The following SMIM17 variants were observed in gnomAD, a reference collection of about 807,000 sequenced individuals.
SMIM17 encodes the protein small integral membrane protein 17.
In SMIM17, 10 loss-of-function variants were observed where a neutral mutation model predicts 12.2. The ratio of observed to expected loss-of-function variants is 0.82; its 90% CI spans 0.50 to 1.39. The LOEUF (loss-of-function observed/expected upper bound fraction) is 1.39. Among genes scored for constraint, SMIM17 ranks in the 40% most tolerant of loss-of-function variants. SMIM17 has a pLI of 0.00. For synonymous variants in SMIM17, 50 were observed against 44.1 expected (o/e 1.13, Z -0.53); for missense variants, 136 against 118.2 (o/e 1.15, Z -0.70).
intron 1 of SMIM17, among the ~76,000 whole-genome samples, chr19:56,643,827 G>C (rs1307761136): frequency 6.6e-6 from 1 of 152,214 alleles, no homozygotes; most frequent in African/African-American, 2.4e-5. Flanking sequence ...TGTGAGAAAA[G>C]GGATTCGCAG....
At position 56,645,798 on chromosome 19, in the gene SMIM17, T is replaced by C; in HGVS notation, c.131T>C (p.Val44Ala). The change falls in exon 2 of 4, where the codon GTG (valine) becomes GCG (alanine). Residue 44 changes from valine (V) to alanine (A), a missense_variant. Coordinates refer to ENST00000598409, the MANE Select transcript of SMIM17 (RefSeq NM_001193628.2). ...HPACTKDWEAVEVGASSHDSD... is the reference protein window; with the variant it reads ...HPACTKDWEAAEVGASSHDSD... ...GCCTGCACCAAAGACTGGGAGGCTG[T>C]GGAGGTTGGGGCCTCCAGCCATGAC... 6.5e-7 allele frequency: 1 copy of C among 1,535,768 alleles called. No homozygotes were observed. The highest frequency in any genetic ancestry group is 8.7e-7 in the Non-Finnish European group (1 of 1,146,766).
At chr19:56,654,968 G>A (rs1350283553) in intron 3 of SMIM17, 135 bp from the exon 4 acceptor site, 2 of 507,590 alleles carry the variant, frequency 3.9e-6, no homozygotes, top group Non-Finnish European at 7.0e-6. Flanking sequence ...CTACTCAGTT[G>A]TACCGTTTTA....
At position 56,645,549 on chromosome 19, in the gene SMIM17, A is replaced by G. The variant is rs1033367774; in HGVS notation, c.-100-19A>G. On this transcript the variant is annotated intron_variant, in intron 1 of 3. Transcript: ENST00000598409. ...CTGGCCCTCTGTAATGATTCACTGAATGATGAAATGTCCATCAGTCCTCAG... is the reference window on the plus strand; with the variant it reads ...CTGGCCCTCTGTAATGATTCACTGAGTGATGAAATGTCCATCAGTCCTCAG... The G allele has an allele frequency of 3.2e-6, 3 of 929,494 alleles. No individual in the cohort carries two copies. Among genetic ancestry groups the G allele is most frequent in the Admixed American group, 6.7e-5 (2 of 29,692 alleles). The allele number at this position is 929,494 out of a possible 1,614,324, so 57.6% of individuals were successfully genotyped here.
At chr19:56,650,964 C>T (rs2045104508) in intron 3 of SMIM17, among the ~76,000 whole-genome samples, 2 of 150,302 alleles carry the variant, frequency 1.3e-5, no homozygotes, top group African/African-American at 2.5e-5. Flanking sequence ...ATGGAGCACA[C>T]ACCAGGGGGC....
chr19:56,653,649 A>G (rs2045126460), intron 3 of SMIM17, among the ~76,000 whole-genome samples: 2 of 152,204 alleles, frequency 1.3e-5, no homozygotes, highest in Admixed American at 6.5e-5. Flanking sequence ...GGGGATCCCA[A>G]GATATTCAAA....
chr19:56,653,100 A>G (rs570862932), intron 3 of SMIM17, among the ~76,000 whole-genome samples: 2 of 152,318 alleles, frequency 1.3e-5, no homozygotes, highest in South Asian at 2.1e-4. Flanking sequence ...ACACATGTAC[A>G]TCCGTGTAAC....
intron 1 of SMIM17, among the ~76,000 whole-genome samples, chr19:56,644,849 T>C (rs2045049789): frequency 6.6e-6 from 1 of 152,230 alleles, no homozygotes; most frequent in East Asian, 1.9e-4. Flanking sequence ...CCTAGCTCAC[T>C]GAAGCCTTGA....
chr19:56,653,037 T>G (rs547872895), intron 3 of SMIM17, among the ~76,000 whole-genome samples: 1 of 152,368 alleles, frequency 6.6e-6, no homozygotes, highest in Non-Finnish European at 1.5e-5. Context: ...ATTCTGCTTT[T>G]CAAAATTGAA....
At chr19:56,651,682 CGG>C (rs1041902050) in intron 3 of SMIM17, among the ~76,000 whole-genome samples, 1 of 151,932 alleles carries the variant, frequency 6.6e-6, no homozygotes, top group African/African-American at 2.4e-5. Context: ...GGGGGGATTT[CGG>C]GGTTGATAAT....
Position 56,656,458 on chromosome 19 carries a change from T to G in SMIM17, c.*1245T>G, listed in dbSNP as rs2045153116. 6.6e-6 allele frequency among the ~76,000 whole-genome samples: 1 copy of G among 152,232 alleles called. No homozygotes were observed. Among genetic ancestry groups the G allele is most frequent in the African/African-American group, 2.4e-5 (1 of 41,474 alleles). On this transcript the variant is annotated 3_prime_UTR_variant, in exon 4 of 4. Coordinates refer to ENST00000598409, the MANE Select transcript of SMIM17 (RefSeq NM_001193628.2). ...TTTTCCAAAGAACCAACATTAGGATTCATTTATATCCATTATTTCTTTTAT... is the reference window on the plus strand; with the variant it reads ...TTTTCCAAAGAACCAACATTAGGATGCATTTATATCCATTATTTCTTTTAT...
intron 3 of SMIM17, among the ~76,000 whole-genome samples, chr19:56,650,900 C>A (rs952821176): frequency 1.3e-5 from 2 of 152,202 alleles, no homozygotes; most frequent in Non-Finnish European, 2.9e-5. Flanking sequence ...GCCTCTGTGA[C>A]ATCATTCATT....
intron 3 of SMIM17, among the ~76,000 whole-genome samples, chr19:56,654,489 T>G (rs983267929): frequency 4.6e-5 from 7 of 152,026 alleles, no homozygotes; most frequent in African/African-American, 1.7e-4. Flanking sequence ...TTGGCCAGGG[T>G]GGTGGTAGTG....
intron 3 of SMIM17, among the ~76,000 whole-genome samples, chr19:56,652,895 G>C (rs2045120736): frequency 6.6e-6 from 1 of 152,158 alleles, no homozygotes; most frequent in African/African-American, 2.4e-5. Flanking sequence ...GCCTCCAGGG[G>C]AGAGCTGCAC....
intron 2 of SMIM17, among the ~76,000 whole-genome samples, chr19:56,647,267 C>A (rs1293778106): frequency 6.6e-6 from 1 of 152,000 alleles, no homozygotes; most frequent in East Asian, 1.9e-4. Flanking sequence ...CATCAGGTGA[C>A]CCAGTTGAAG....
chr19:56,648,704 C>A (rs974379981), intron 3 of SMIM17, among the ~76,000 whole-genome samples: 1 of 152,220 alleles, frequency 6.6e-6, no homozygotes, highest in African/African-American at 2.4e-5. Flanking sequence ...TTCCATTTAT[C>A]CATCCACTAA....
intron 3 of SMIM17, among the ~76,000 whole-genome samples, chr19:56,651,444 G>A (rs1451650540): frequency 6.6e-6 from 1 of 152,146 alleles, no homozygotes; most frequent in Non-Finnish European, 1.5e-5. Context: ...TACTTTCCGG[G>A]AGGGCAGAAG....
Position 56,645,856 on chromosome 19 carries a change from T to TG in SMIM17, c.169+23dup, listed in dbSNP as rs1274141615. 6.6e-7 allele frequency: 1 copy of TG among 1,520,344 alleles called. No individual in the cohort carries two copies. The highest frequency in any genetic ancestry group is 1.2e-5 in the South Asian group (1 of 81,772). The allele number at this position is 1,520,344 out of a possible 1,614,324, so 94.2% of individuals were successfully genotyped here. A position where few individuals can be genotyped will look rare whatever the true frequency, so the allele number is the denominator to read the frequency against. ...AGAAAGGTGAGAGGCAGGGGTCCTT[T>TG]GGGAGGTGAGTGGGTGGAGAGGAAG... On this transcript the variant is annotated intron_variant, in intron 2 of 3. Transcript: ENST00000598409.
chr19:56,657,223 T>C lies in SMIM17; in HGVS notation c.*2010T>C, dbSNP rs1266800965. Among the ~76,000 whole-genome samples the C allele has an allele frequency of 6.6e-6, 1 of 152,226 alleles. No homozygotes were observed. The highest frequency in any genetic ancestry group is 1.5e-5 in the Non-Finnish European group (1 of 68,034). ...ACAATGGCTGGCAGATAGTAGGCAC[T>C]CAATAAATGTTAATTAAAACCTGAT... On this transcript the variant is annotated 3_prime_UTR_variant, in exon 4 of 4. Coordinates refer to ENST00000598409, the MANE Select transcript of SMIM17 (RefSeq NM_001193628.2).
At position 56,656,525 on chromosome 19, in the gene SMIM17, T is replaced by C. The variant is rs1325608137; in HGVS notation, c.*1312T>C. 2.6e-5 allele frequency among the ~76,000 whole-genome samples: 4 copies of C among 152,212 alleles called. No individual in the cohort carries two copies. Among genetic ancestry groups the C allele is most frequent in the Non-Finnish European group, 1.5e-5 (1 of 68,040 alleles). On this transcript the variant is annotated 3_prime_UTR_variant, in exon 4 of 4. Transcript: ENST00000598409. ...TTTGATATGTATTGCATTTATTTTT[T>C]ATTGTTTTTCTTCTTTGTCTCAGTT...
Sources: allele counts gnomAD v4.1 joint callset (sites outside exome capture counted in the v4.1 genomes callset), GRCh38; gene constraint gnomAD v4.1.1; transcripts MANE v1.5; gene names NCBI Gene and HGNC (gene_info 2026-07-23, HGNC 2026-07-21).